PRR5L: variants seen among roughly 807,000 people sequenced by gnomAD.
The protein encoded by PRR5L is proline rich 5 like.
Under a neutral mutation model 36.4 loss-of-function variants are expected in PRR5L, and 21 were observed. That is an observed-to-expected ratio of 0.58 (90% CI 0.41 to 0.83). The LOEUF is 0.83. Ranked by LOEUF, PRR5L falls within the 40% of genes least tolerant of loss-of-function variation. The pLI, the probability that PRR5L is intolerant of heterozygous loss-of-function variation, is 0.00. For missense variants in PRR5L, 381 were observed against 473.3 expected (o/e 0.80, Z 1.81); for synonymous variants, 188 against 197.0 (o/e 0.95, Z 0.38).
intron 2 of PRR5L, among the ~76,000 whole-genome samples, chr11:36,402,798 G>T (rs1419728192): frequency 3.9e-5 from 6 of 152,208 alleles, no homozygotes; most frequent in Non-Finnish European, 8.8e-5. Flanking sequence ...CACACGAGTG[G>T]ACATGTGAGG....
intron 1 of PRR5L, among the ~76,000 whole-genome samples, chr11:36,365,709 A>G (rs544936607): frequency 2.0e-5 from 3 of 152,322 alleles, no homozygotes; most frequent in South Asian, 2.1e-4. Flanking sequence ...GACTTCATCA[A>G]TGAAAGCCAG....
At position 36,434,056 on chromosome 11, in the gene PRR5L, T is replaced by C. The variant is rs16928831; in HGVS notation, c.352+2146T>C. ...AGTGCCCTTAAAAGGGGAAGTTGAATGTCTCTCACCCAAGTAACCCTCATC... is the reference window on the plus strand; with the variant it reads ...AGTGCCCTTAAAAGGGGAAGTTGAACGTCTCTCACCCAAGTAACCCTCATC... On this transcript the variant is annotated intron_variant, in intron 5 of 8. Transcript: ENST00000530639. Among the ~76,000 whole-genome samples, 884 of 152,346 alleles carry C rather than the reference T, an allele frequency of 5.8e-3. 23 individuals are homozygous for C. Among genetic ancestry groups the C allele is most frequent in the East Asian group, 0.038 (197 of 5,186 alleles).
chr11:36,347,352 C>T (rs2133485153), intron 1 of PRR5L, among the ~76,000 whole-genome samples: 1 of 152,182 alleles, frequency 6.6e-6, no homozygotes, highest in South Asian at 2.1e-4. Flanking sequence ...TTTGATTGAC[C>T]ACAAGCTTCA....
rs561940299 is a variant in PRR5L at position 36,431,519 on chromosome 11, G to T, written c.295-334G>T. Among the ~76,000 whole-genome samples the T allele has an allele frequency of 1.2e-3, 183 of 151,628 alleles. 1 individual carries two copies. Among genetic ancestry groups the T allele is most frequent in the African/African-American group, 4.2e-3 (173 of 41,270 alleles). On this transcript the variant is annotated intron_variant, in intron 4 of 8. Coordinates refer to ENST00000530639, the MANE Select transcript of PRR5L (RefSeq NM_001160167.2). ...TCCCATTGCCTCAATGCTTCCTTTTGTGAGTTTAGATCACTAAGGGCCTCT... is the reference window on the plus strand; with the variant it reads ...TCCCATTGCCTCAATGCTTCCTTTTTTGAGTTTAGATCACTAAGGGCCTCT...
chr11:36,302,606 C>T (rs902210233), intron 1 of PRR5L, among the ~76,000 whole-genome samples: 6 of 151,904 alleles, frequency 3.9e-5, no homozygotes, highest in African/African-American at 1.5e-4. Flanking sequence ...GGCAACATGG[C>T]GAAAACCCAT....
At chr11:36,333,864 G>A (rs1162146187) in intron 1 of PRR5L, among the ~76,000 whole-genome samples, 1 of 152,044 alleles carries the variant, frequency 6.6e-6, no homozygotes, top group Admixed American at 6.6e-5. Context: ...TGGATGCAGG[G>A]GTTTATTGTA....
rs575201737 is a variant in PRR5L, at chr11:36,306,475, A to C, written c.-126+10037A>C. Among the ~76,000 whole-genome samples the C allele has an allele frequency of 5.1e-4, 78 of 152,076 alleles. 1 individual carries two copies. Among genetic ancestry groups the C allele is most frequent in the African/African-American group, 1.6e-3 (66 of 41,482 alleles). Reference sequence around the variant, plus strand: ...TATATATGCCACATTTTCTTAATCCAGTCTGTCATTGATGGACATTTGGGT... The same window carrying C: ...TATATATGCCACATTTTCTTAATCCCGTCTGTCATTGATGGACATTTGGGT... On this transcript the variant is annotated intron_variant, in intron 1 of 8. Transcript: ENST00000530639.
chr11:36,431,518 T>TC (rs1858494385), intron 4 of PRR5L, among the ~76,000 whole-genome samples: 1 of 151,862 alleles, frequency 6.6e-6, no homozygotes, highest in Admixed American at 6.5e-5. Flanking sequence ...TGCTTCCTTT[T>TC]GTGAGTTTAG....
chr11:36,461,447 A>G (rs1235495490), intron 8 of PRR5L, among the ~76,000 whole-genome samples: 1 of 151,944 alleles, frequency 6.6e-6, no homozygotes, highest in African/African-American at 2.4e-5. Context: ...ACATGGTGAA[A>G]CCCCGTCTCT....
intron 1 of PRR5L, among the ~76,000 whole-genome samples, chr11:36,364,748 C>T (rs796264706): frequency 1.3e-5 from 2 of 152,178 alleles, no homozygotes; most frequent in African/African-American, 4.8e-5. Context: ...TGTTAGTCAG[C>T]AGGAAGCTTG....
intron 1 of PRR5L, among the ~76,000 whole-genome samples, chr11:36,302,261 C>G (rs10742368): frequency 0.99 from 151,218 of 152,308 alleles, 75,081 homozygotes; most frequent in East Asian, 1. Context: ...ATCCTTGAAG[C>G]GGGGATGGGG....
At chr11:36,442,250 A>T (rs372274646) in intron 6 of PRR5L, among the ~76,000 whole-genome samples, 3 of 152,088 alleles carry the variant, frequency 2.0e-5, no homozygotes, top group Admixed American at 6.5e-5. Context: ...CCTTTTAATT[A>T]TAAGTTCCAA....
At chr11:36,447,130 C>T (rs1040866929) in intron 7 of PRR5L, among the ~76,000 whole-genome samples, 1 of 152,220 alleles carries the variant, frequency 6.6e-6, no homozygotes, top group Non-Finnish European at 1.5e-5. Flanking sequence ...CATATTGGTC[C>T]TTGGCTATGT....
chr11:36,310,498 G>C (rs987084105), intron 1 of PRR5L, among the ~76,000 whole-genome samples: 11 of 152,158 alleles, frequency 7.2e-5, no homozygotes, highest in Admixed American at 7.2e-4. Flanking sequence ...GAAGGTTACT[G>C]TTACACAAGT....
intron 1 of PRR5L, among the ~76,000 whole-genome samples, chr11:36,311,943 A>G (rs369770267): frequency 1.3e-5 from 2 of 152,242 alleles, no homozygotes; most frequent in Non-Finnish European, 2.9e-5. Context: ...CTATGTAGCT[A>G]TAAAAGAGAA....
In PRR5L at chr11:36,423,234, T is replaced by C. The variant is rs80243321; in HGVS notation, c.294+3931T>C. 4.9e-3 allele frequency among the ~76,000 whole-genome samples: 749 copies of C among 152,270 alleles called. 14 individuals are homozygous for C. Among genetic ancestry groups the C allele is most frequent in the East Asian group, 0.043 (223 of 5,174 alleles). On this transcript the variant is annotated intron_variant, in intron 4 of 8. Transcript: ENST00000530639. ...GATACCTGGTAATGTGTGAGATACA[T>C]TTGTGTGCATGTATGTGTACGTGTG...
chr11:36,388,087 G>C (rs1857489797), intron 1 of PRR5L: 1 of 152,154 alleles, frequency 6.6e-6, no homozygotes, highest in African/African-American at 2.4e-5. Context: ...CCCTAAACTG[G>C]TCCCAGCCTG....
intron 1 of PRR5L, among the ~76,000 whole-genome samples, chr11:36,372,543 T>C (rs1220033658): frequency 6.6e-6 from 1 of 152,218 alleles, no homozygotes; most frequent in Admixed American, 6.5e-5. Context: ...TTCTGCTTGC[T>C]CATAGCTCTG....
chr11:36,365,222 T>C (rs1857132155), intron 1 of PRR5L, among the ~76,000 whole-genome samples: 1 of 152,192 alleles, frequency 6.6e-6, no homozygotes, highest in South Asian at 2.1e-4. Context: ...GTTTACTTGC[T>C]TTGTTTCTGC....
Sources: allele counts gnomAD v4.1 joint callset (sites outside exome capture counted in the v4.1 genomes callset), GRCh38; gene constraint gnomAD v4.1.1; transcripts MANE v1.5; gene names NCBI Gene and HGNC (gene_info 2026-07-23, HGNC 2026-07-21).